The following RUVBL1 variants were observed in gnomAD, a reference collection of about 807,000 sequenced individuals.
RUVBL1 encodes the protein RuvB like AAA ATPase 1.
A neutral mutation model predicts 52.4 loss-of-function variants in RUVBL1; 4 were observed. The observed-to-expected ratio is 0.08, with a 90% CI of 0.04 to 0.17. The LOEUF (loss-of-function observed/expected upper bound fraction) is 0.17, where lower values mean the gene tolerates loss of function less well. RUVBL1 is among the 10% of genes least tolerant of loss of function. The pLI, the probability that RUVBL1 is intolerant of heterozygous loss-of-function variation, is 1.00. For missense variants in RUVBL1, 298 were observed against 572.8 expected (o/e 0.52, Z 4.90); for synonymous variants, 217 against 214.4 (o/e 1.01, Z -0.10).
At position 128,109,872 on chromosome 3, in the gene RUVBL1, A is replaced by G. The variant is rs898075363; in HGVS notation, c.361+3016T>C. Among the ~76,000 whole-genome samples, 7 of 123,356 alleles carry G rather than the reference A, an allele frequency of 5.7e-5. No homozygotes were observed. The Admixed American group carries it at 6.1e-4, about 11-fold the overall frequency. The allele number at this position is 123,356 out of a possible 152,430, so 80.9% of individuals were successfully genotyped here. A position where few individuals can be genotyped will look rare whatever the true frequency, so the allele number is the denominator to read the frequency against. On this transcript the variant is annotated intron_variant, in intron 3 of 10. Coordinates refer to ENST00000322623, the MANE Select transcript of RUVBL1 (RefSeq NM_003707.3). ...TCTCTGTTACCCAGGCTGAAGTGCA[A>G]TGGCATAATCGCCACTCACTGTAAC...
chr3:128,123,641 C>T lies in RUVBL1; in HGVS notation c.84G>A (p.Glu28=). ...HSHVKGLGLD[E]SGLAKQAASG... ...AGGCCGCCTGCTTGGCCAAGCCGCT[C>T]TCGTCCAGCCCCAGCCCTTTCACGT... The change falls in exon 1 of 11, where the codon GAG becomes GAA. Residue 28 remains glutamate, a synonymous_variant. Transcript: ENST00000322623. 1.6e-5 allele frequency: 25 copies of T among 1,612,468 alleles called. No individual in the cohort carries two copies. The highest frequency in any genetic ancestry group is 2.1e-5 in the Non-Finnish European group (25 of 1,179,628).
chr3:128,082,519 T>A lies in RUVBL1; in HGVS notation c.1175A>T (p.Asn392Ile). 1.9e-6 allele frequency: 3 copies of A among 1,613,852 alleles called. No homozygotes were observed. The highest frequency in any genetic ancestry group is 2.5e-6 in the Non-Finnish European group (3 of 1,179,906). The change falls in exon 10 of 11, where the codon AAC becomes ATC. Residue 392 changes from asparagine (N) to isoleucine (I), a missense_variant. Coordinates refer to ENST00000322623, the MANE Select transcript of RUVBL1 (RefSeq NM_003707.3). The surrounding 1 kb of genome is among the most constrained non-coding windows in gnomAD (Gnocchi z 4.7). ...EGINISEEAL[N>I]HLGEIGTKTT... ...CTTGGTGCCAATCTCCCCCAGGTGG[T>A]TCAGTGCCTCCTCACTGATGTTGAT...
intron 4 of RUVBL1, among the ~76,000 whole-genome samples, 154 bp from the exon 5 acceptor site, chr3:128,101,802 G>A (rs1196781147): frequency 6.6e-6 from 1 of 152,240 alleles, no homozygotes; most frequent in Admixed American, 6.5e-5. Context: ...CTGCAGGAGT[G>A]TGAATGCATA....
At chr3:128,075,411 T>G (rs546622668) in intron 9 of RUVBL1, among the ~76,000 whole-genome samples, 1 of 152,228 alleles carries the variant, frequency 6.6e-6, no homozygotes, top group East Asian at 1.9e-4. Context: ...AGGGGGCAGG[T>G]GTCGAGGTAG....
At chr3:128,073,755 T>A (rs911993521) in intron 9 of RUVBL1, among the ~76,000 whole-genome samples, 4 of 152,234 alleles carry the variant, frequency 2.6e-5, no homozygotes, top group Non-Finnish European at 4.4e-5. Flanking sequence ...CTGTCAAACC[T>A]GTGGGCCTTG....
downstream of RUVBL1, among the ~76,000 whole-genome samples, chr3:128,080,509 G>GCA (rs1172524490): frequency 6.6e-6 from 1 of 152,204 alleles, no homozygotes; most frequent in African/African-American, 2.4e-5. Context: ...CATGTTGCTA[G>GCA]CATGTGATGA....
rs780399817 is a variant in RUVBL1 at position 128,153,757 on chromosome 3, C to T, written c.-594G>A. On this transcript the variant is annotated 5_prime_UTR_variant, in exon 1 of 10. Transcript: ENST00000464873. ...CGAGGCCGAGCCCGAGCCCGGCGAG[C>T]CACTGCTTCAGGTCACGCTGGTCGA... 1.1e-5 allele frequency: 17 copies of T among 1,545,584 alleles called. No homozygotes were observed. Among genetic ancestry groups the T allele is most frequent in the Non-Finnish European group, 1.4e-5 (16 of 1,153,904 alleles).
chr3:128,117,066 A>G (rs1208416373), intron 2 of RUVBL1, among the ~76,000 whole-genome samples: 1 of 152,210 alleles, frequency 6.6e-6, no homozygotes, highest in African/African-American at 2.4e-5. Flanking sequence ...CTATCTAGGT[A>G]TAGGGTATAG....
chr3:128,081,192 G>A lies in RUVBL1; in HGVS notation c.*58C>T. On this transcript the variant is annotated 3_prime_UTR_variant, in exon 11 of 11. Transcript: ENST00000322623. This position sits in a 1 kb window ranked among gnomAD's most constrained non-coding sequence, Gnocchi z 4.8. ...CAAGCCCAGGGGCAAGCGCCCACAG[G>A]CTGGACCCAGGCCAGGCACACCTGG... is the stretch of plus-strand genomic sequence containing the variant. The A allele has an allele frequency of 6.4e-7, 1 of 1,570,988 alleles. No individual in the cohort carries two copies. Among genetic ancestry groups the A allele is most frequent in the Non-Finnish European group, 8.7e-7 (1 of 1,151,292 alleles).
At chr3:128,136,110 G>A (rs76306033) in intron 1 of RUVBL1, among the ~76,000 whole-genome samples, 2,716 of 150,318 alleles carry the variant, frequency 0.018, 81 homozygotes, top group African/African-American at 0.062. Context: ...AACCTACAAC[G>A]CATGCACAAA....
intron 1 of RUVBL1, among the ~76,000 whole-genome samples, chr3:128,121,528 G>A (rs2107718692): frequency 6.6e-6 from 1 of 151,506 alleles, no homozygotes; most frequent in South Asian, 2.1e-4. Context: ...TGGTCAACAT[G>A]GTGAAACCCT....
chr3:128,123,536 G>T, intron 1 of RUVBL1, 48 bp downstream of exon 1: 1 of 1,490,494 alleles, frequency 6.7e-7, no homozygotes, highest in Non-Finnish European at 9.0e-7. Context: ...CTCTCTCGCC[G>T]CAGCAGCCCT....
chr3:128,124,005 GT>G, upstream of RUVBL1: 1 of 684,420 alleles, frequency 1.5e-6, no homozygotes, highest in South Asian at 6.6e-5. Context: ...CGGGAGCACA[GT>G]GGGACCACGC....
intron 1 of RUVBL1, among the ~76,000 whole-genome samples, chr3:128,150,579 T>G (rs1347392308): frequency 7.0e-6 from 1 of 142,788 alleles, no homozygotes; most frequent in Non-Finnish European, 1.5e-5. Flanking sequence ...CATATATATA[T>G]TCCACAGAAT....
chr3:128,066,818 G>A lies in RUVBL1; in HGVS notation c.940-1598C>T, dbSNP rs2107650579. On this transcript the variant is annotated intron_variant, in intron 9 of 9. Transcript: ENST00000464873. ...GGTAAGGAGTGGGCACAAGCTCTCG[G>A]AACTGGGAGCCCCAGAACCAGCACA... is the stretch of plus-strand genomic sequence containing the variant. 7 of 765,288 alleles carry A rather than the reference G, an allele frequency of 9.1e-6. No individual in the cohort carries two copies. In the Middle Eastern group the frequency reaches 1.5e-3, roughly 168 times the overall value. 47.4% of individuals were successfully genotyped at this position (765,288 alleles called of 1,614,324 possible).
chr3:128,070,650 G>A (rs1294757198), intron 9 of RUVBL1: 2 of 152,288 alleles, frequency 1.3e-5, no homozygotes, highest in African/African-American at 4.8e-5. Flanking sequence ...AGACACCACC[G>A]ACTTCCTTTC....
intron 9 of RUVBL1, chr3:128,068,030 A>G: frequency 6.2e-7 from 1 of 1,613,958 alleles, no homozygotes; most frequent in Non-Finnish European, 8.5e-7. Context: ...GAGGCCACCG[A>G]GAGACCTCCA....
chr3:128,093,537 G>A lies in RUVBL1; in HGVS notation c.1016+3763C>T, dbSNP rs150106000. On this transcript the variant is annotated intron_variant, in intron 8 of 10. Transcript: ENST00000322623. Reference sequence around the variant, plus strand: ...ACACTATCTGCCACAGGGTTACACTGAGCAGAGTCCATACTGTTTCTTAAG... The same window carrying A: ...ACACTATCTGCCACAGGGTTACACTAAGCAGAGTCCATACTGTTTCTTAAG... 5.0e-3 allele frequency among the ~76,000 whole-genome samples: 754 copies of A among 151,720 alleles called. 6 individuals are homozygous for A. Among genetic ancestry groups the A allele is most frequent in the Middle Eastern group, 0.021 (6 of 292 alleles).
At chr3:128,117,716 G>A (rs1943559440) in intron 2 of RUVBL1, among the ~76,000 whole-genome samples, 1 of 151,706 alleles carries the variant, frequency 6.6e-6, no homozygotes, top group Non-Finnish European at 1.5e-5. Flanking sequence ...AGGTTCAAGC[G>A]ATTCTCCTAA....
Sources: gnomAD v4.1 joint callset for allele counts (sites outside exome capture counted in the v4.1 genomes callset) on GRCh38, gnomAD v4.1.1 for gene constraint, Gnocchi (gnomAD v3.1) non-coding constraint, MANE v1.5 for transcripts, NCBI Gene and HGNC (gene_info 2026-07-23, HGNC 2026-07-21) for gene names.